SAMTOR: variants seen among roughly 807,000 people sequenced by gnomAD.
SAMTOR encodes S-adenosylmethionine sensor upstream of mTORC1.
the SAMTOR span, among the ~76,000 whole-genome samples, chr7:112,914,754 T>C: frequency 6.6e-6 from 1 of 152,168 alleles, no homozygotes; most frequent in Non-Finnish European, 1.5e-5. Flanking sequence ...ATTAAATGCA[T>C]TTAAAGCCAT....
At chr7:112,907,040 C>G in the SAMTOR span, among the ~76,000 whole-genome samples, 1 of 151,802 alleles carries the variant, frequency 6.6e-6, no homozygotes, top group South Asian at 2.1e-4. Flanking sequence ...CCAAGAAAAC[C>G]CTGAAAAAGA....
chr7:112,938,676 A>C, the SAMTOR span, among the ~76,000 whole-genome samples: 1 of 152,226 alleles, frequency 6.6e-6, no homozygotes, highest in African/African-American at 2.4e-5. Context: ...CAAGCCTATG[A>C]AAACAGAATT....
At chr7:112,902,483 A>G in the SAMTOR span, among the ~76,000 whole-genome samples, 1 of 147,372 alleles carries the variant, frequency 6.8e-6, no homozygotes, top group Non-Finnish European at 1.5e-5. Flanking sequence ...GTGGTTGCAG[A>G]TGGGTGAAAA....
At chr7:112,933,596 G>A in the SAMTOR span, among the ~76,000 whole-genome samples, 8 of 152,168 alleles carry the variant, frequency 5.3e-5, no homozygotes, top group Non-Finnish European at 8.8e-5. Flanking sequence ...TATGAGGAAG[G>A]AATGAATGTG....
At chr7:112,871,489 A>G in the SAMTOR span, among the ~76,000 whole-genome samples, 4 of 152,190 alleles carry the variant, frequency 2.6e-5, no homozygotes, top group Admixed American at 2.6e-4. Context: ...TATAAACACA[A>G]CATACCAAAA....
the SAMTOR span, among the ~76,000 whole-genome samples, chr7:112,852,914 G>A: frequency 6.6e-6 from 1 of 151,712 alleles, no homozygotes; most frequent in Non-Finnish European, 1.5e-5. Context: ...ATGGAATCAA[G>A]AGTGTAAAGA....
the SAMTOR span, among the ~76,000 whole-genome samples, chr7:112,924,381 C>T: frequency 6.6e-6 from 1 of 151,972 alleles, no homozygotes. Context: ...GAAAATCTTT[C>T]CATTAATCCC....
chr7:112,839,790 T>C, the SAMTOR span, among the ~76,000 whole-genome samples: 1 of 151,870 alleles, frequency 6.6e-6, no homozygotes, highest in Non-Finnish European at 1.5e-5. Context: ...TATTCAATAT[T>C]TGTTTCATAT....
At chr7:112,884,847 A>G in the SAMTOR span, among the ~76,000 whole-genome samples, 2 of 152,186 alleles carry the variant, frequency 1.3e-5, no homozygotes, top group African/African-American at 2.4e-5. Context: ...CTCTGTGTGG[A>G]GGTTCCAAGA....
At chr7:112,836,162 T>C in the SAMTOR span, among the ~76,000 whole-genome samples, 1 of 152,190 alleles carries the variant, frequency 6.6e-6, no homozygotes, top group African/African-American at 2.4e-5. Flanking sequence ...ATTTTTTGAC[T>C]TTTTAATAAT....
the SAMTOR span, among the ~76,000 whole-genome samples, chr7:112,920,133 A>G: frequency 1.3e-5 from 2 of 152,376 alleles, no homozygotes; most frequent in South Asian, 4.1e-4. Flanking sequence ...AAAGACTGGC[A>G]GAGACACAAC....
chr7:112,848,068 G>A, the SAMTOR span, among the ~76,000 whole-genome samples: 16 of 152,232 alleles, frequency 1.1e-4, no homozygotes, highest in South Asian at 6.2e-4. Flanking sequence ...TGGGAGGATC[G>A]CTTGAGCTCA....
the SAMTOR span, among the ~76,000 whole-genome samples, chr7:112,834,356 ATCT>A: frequency 6.8e-6 from 1 of 146,124 alleles, no homozygotes; most frequent in African/African-American, 2.5e-5. Flanking sequence ...TGCTTTTATT[ATCT>A]TTTTTCCCAT....
chr7:112,931,816 T>C, the SAMTOR span, among the ~76,000 whole-genome samples: 7 of 152,328 alleles, frequency 4.6e-5, no homozygotes, highest in African/African-American at 1.7e-4. Context: ...TGTCAGATGT[T>C]AGATTTTGTA....
the SAMTOR span, among the ~76,000 whole-genome samples, chr7:112,838,855 A>G: frequency 6.6e-6 from 1 of 151,844 alleles, no homozygotes; most frequent in African/African-American, 2.4e-5. Context: ...CTGAGCAAAT[A>G]GCAAATAAAC....
the SAMTOR span, among the ~76,000 whole-genome samples, chr7:112,884,592 T>C: frequency 6.6e-6 from 1 of 152,206 alleles, no homozygotes; most frequent in East Asian, 1.9e-4. Context: ...ATGATCTCCT[T>C]GGACTCCATG....
the SAMTOR span, among the ~76,000 whole-genome samples, chr7:112,824,021 A>C: frequency 6.6e-6 from 1 of 151,858 alleles, no homozygotes; most frequent in South Asian, 2.1e-4. Context: ...GGTTGCTTTA[A>C]ATAAAGTTTT....
the SAMTOR span, chr7:112,822,100 T>G: frequency 3.7e-6 from 6 of 1,613,726 alleles, no homozygotes; most frequent in Admixed American, 8.3e-5. Flanking sequence ...TTCATCATCA[T>G]AGCATGACGG....
At chr7:112,839,891 C>T in the SAMTOR span, among the ~76,000 whole-genome samples, 3 of 151,738 alleles carry the variant, frequency 2.0e-5, no homozygotes, top group African/African-American at 7.3e-5. Flanking sequence ...TCCTTTATCT[C>T]TAGCAATGAT....
Sources: allele counts gnomAD v4.1 joint callset (sites outside exome capture counted in the v4.1 genomes callset), GRCh38; gene constraint gnomAD v4.1.1; transcripts MANE v1.5; gene names NCBI Gene and HGNC (gene_info 2026-07-23, HGNC 2026-07-21).